Variants in NUP98 observed in about 807,000 individuals in gnomAD.
NUP98 encodes nuclear pore complex protein Nup98-Nup96.
Under a neutral mutation model 191.9 loss-of-function variants are expected in NUP98, and 26 were observed. That is an observed-to-expected ratio of 0.14 (90% CI 0.10 to 0.19). NUP98 has a LOEUF of 0.19. NUP98 is among the 10% of genes least tolerant of loss of function. The pLI is 1.00. For synonymous variants in NUP98, 808 were observed against 778.4 expected, an observed-to-expected ratio of 1.04 and a Z score of -0.63; for missense variants, 1,941 against 2,178.8, an observed-to-expected ratio of 0.89 and a Z score of 2.17.
At chr11:3,699,988 G>A (rs889323130) in intron 24 of NUP98, among the ~76,000 whole-genome samples, 3 of 152,212 alleles carry the variant, frequency 2.0e-5, no homozygotes, top group Admixed American at 2.0e-4. Context: ...AAGCCAGGAA[G>A]AGGAATTACA....
chr11:3,695,600 T>C lies in NUP98; in HGVS notation c.4016A>G (p.His1339Arg). 6.3e-7 allele frequency: 1 copy of C among 1,584,134 alleles called. No individual in the cohort carries two copies. Among genetic ancestry groups the C allele is most frequent in the Non-Finnish European group, 8.6e-7 (1 of 1,167,064 alleles). The change falls in exon 26 of 33, where the codon CAT (histidine) becomes CGT (arginine). Residue 1339 changes from histidine (H) to arginine (R), a missense_variant. This residue lies in a region of NUP98 where 1,030 missense variants were observed against 1,115.8 expected (regional missense o/e 0.92). Coordinates refer to ENST00000324932, the MANE Select transcript of NUP98 (RefSeq NM_016320.5). ...CTGAGATAAAAGAAGAGCAAGACGA[T>C]GATCCCCTATAAGAGAAATGGAAGT... ...ACSLAQQSGDHRLALLLSQFV... is the reference protein window; with the variant it reads ...ACSLAQQSGDRRLALLLSQFV...
At chr11:3,722,009 A>T (rs2079420242) in intron 16 of NUP98, among the ~76,000 whole-genome samples, 1 of 152,160 alleles carries the variant, frequency 6.6e-6, no homozygotes, top group Non-Finnish European at 1.5e-5. Context: ...TAAATGAAAA[A>T]ACTAGAATAT....
intron 29 of NUP98, among the ~76,000 whole-genome samples, chr11:3,684,057 A>T (rs2078062486): frequency 6.6e-6 from 1 of 151,088 alleles, no homozygotes; most frequent in Non-Finnish European, 1.5e-5. Context: ...AAAATAATTA[A>T]AAAAATTAGC....
intron 4 of NUP98, among the ~76,000 whole-genome samples, chr11:3,777,906 T>A (rs967772074): frequency 6.6e-6 from 1 of 151,780 alleles, no homozygotes; most frequent in Non-Finnish European, 1.5e-5. Context: ...CTCTGGAAAA[T>A]ACTGATGGCA....
At chr11:3,735,078 A>G in intron 13 of NUP98, 113 bp downstream of exon 13, 1 of 954,500 alleles carries the variant, frequency 1.0e-6, no homozygotes, top group East Asian at 2.9e-5. Flanking sequence ...TAAAAAATTA[A>G]TTACACCTAG....
At chr11:3,711,203 C>T (rs985189262) in intron 20 of NUP98, among the ~76,000 whole-genome samples, 2 of 152,136 alleles carry the variant, frequency 1.3e-5, no homozygotes, top group Admixed American at 1.3e-4. Context: ...CGAGACTGCA[C>T]CAGTGCACTA....
intron 11 of NUP98, among the ~76,000 whole-genome samples, chr11:3,749,812 G>A (rs1258756059): frequency 1.3e-5 from 2 of 151,550 alleles, no homozygotes; most frequent in Non-Finnish European, 2.9e-5. Flanking sequence ...AATTTCTACT[G>A]TCATGTATGA....
chr11:3,740,392 TC>T (rs2080237750), intron 12 of NUP98, among the ~76,000 whole-genome samples: 1 of 151,638 alleles, frequency 6.6e-6, no homozygotes, highest in Non-Finnish European at 1.5e-5. Flanking sequence ...GGGCCTGCAA[TC>T]CCAGCTACTC....
Position 3,760,651 on chromosome 11 carries a change from A to T in NUP98, c.1087-25T>A. 5 of 1,593,196 alleles carry T rather than the reference A, an allele frequency of 3.1e-6. No homozygotes were observed. The South Asian group carries it at 4.5e-5, about 14-fold the overall frequency. On this transcript the variant is annotated intron_variant, in intron 9 of 32. Coordinates refer to ENST00000324932, the MANE Select transcript of NUP98 (RefSeq NM_016320.5). ...TCTAAAAAGAATAGAATACAGGAAA[A>T]TTTAAAATAATATTAAGACACACAC... is the stretch of plus-strand genomic sequence containing the variant.
chr11:3,695,568 C>A lies in NUP98; in HGVS notation c.4048G>T (p.Gly1350Cys). The A allele has an allele frequency of 6.2e-7, 1 of 1,600,442 alleles. No individual in the cohort carries two copies. The highest frequency in any genetic ancestry group is 8.5e-7 in the Non-Finnish European group (1 of 1,174,256). ...AGCAGCTCCCGGACTGACTGGCTAC[C>A]CACAAACTGAGATAAAAGAAGAGCA... ...RLALLLSQFV[G>C]SQSVRELLTM... Residue 1350 changes from glycine to cysteine, a missense_variant, in exon 26 of 33, where the codon GGT becomes TGT. Physicochemically the swap from Gly to Cys is radical, Grantham distance 159. Transcript: ENST00000324932.
rs115494230 is a variant in NUP98 at position 3,681,180 on chromosome 11, A to T, written c.4919-1472T>A. Reference sequence around the variant, plus strand: ...CTCAGCCTCCCAAATAGCTGGGAATATAGGCACGCACCACCATGCTCAGCT... The same window carrying T: ...CTCAGCCTCCCAAATAGCTGGGAATTTAGGCACGCACCACCATGCTCAGCT... On this transcript the variant is annotated intron_variant, in intron 30 of 32. Transcript: ENST00000324932. Among the ~76,000 whole-genome samples the T allele has an allele frequency of 1.6e-3, 243 of 152,270 alleles. 1 individual carries two copies. The highest frequency in any genetic ancestry group is 5.6e-3 in the African/African-American group (231 of 41,556).
Position 3,713,950 on chromosome 11 carries a change from T to A in NUP98, c.2445A>T (p.Thr815=), listed in dbSNP as rs745750499. The A allele has an allele frequency of 1.2e-6, 2 of 1,614,166 alleles. No homozygotes were observed. The highest frequency in any genetic ancestry group is 3.3e-5 in the Admixed American group (2 of 60,014). Residue 815 remains threonine, a synonymous_variant, in exon 19 of 33, where the codon ACA becomes ACT. Coordinates refer to ENST00000324932, the MANE Select transcript of NUP98 (RefSeq NM_016320.5). The part of the protein sequence containing the change: ...TLDGVWPTDK[T]SRCLIKSPDR... ...CTGGGCTCTTTATTAAACAACGAGA[T>A]GTTTTATCTGTTGGCCAAACTCCAT...
At chr11:3,725,559 T>C (rs2079583823) in intron 14 of NUP98, among the ~76,000 whole-genome samples, 1 of 152,226 alleles carries the variant, frequency 6.6e-6, no homozygotes, top group Non-Finnish European at 1.5e-5. Flanking sequence ...CAATCATCTG[T>C]ATACTCTCCA....
chr11:3,778,750 C>T, intron 4 of NUP98, 123 bp downstream of exon 4: 3 of 942,798 alleles, frequency 3.2e-6, no homozygotes. Flanking sequence ...TTTTCCTCTT[C>T]CCTTGTTTTT....
chr11:3,768,518 A>C, intron 8 of NUP98, 63 bp downstream of exon 8: 2 of 1,386,992 alleles, frequency 1.4e-6, no homozygotes, highest in Non-Finnish European at 1.9e-6. Context: ...TGACATGATT[A>C]GAATCCTCAT....
chr11:3,723,353 A>G lies in NUP98; in HGVS notation c.1950T>C (p.Ile650=), dbSNP rs1294578358. ...TTCCAGCACTTTCTGGGGTTTGAGG[A>G]ATAGGTTTGGCAATAGGGTTAGTAT... ...HFYTNPIAKP[I]PQTPESAGNK... The change falls in exon 16 of 33, where the codon ATT becomes ATC. Residue 650 remains isoleucine, a synonymous_variant. Coordinates refer to ENST00000324932, the MANE Select transcript of NUP98 (RefSeq NM_016320.5). The G allele has an allele frequency of 4.3e-6, 7 of 1,613,972 alleles. No homozygotes were observed. The highest frequency in any genetic ancestry group is 5.1e-6 in the Non-Finnish European group (6 of 1,180,012).
intron 2 of NUP98, among the ~76,000 whole-genome samples, chr11:3,781,791 G>A (rs1052543076): frequency 6.6e-6 from 1 of 151,986 alleles, no homozygotes; most frequent in Non-Finnish European, 1.5e-5. Flanking sequence ...ATAACTTTCT[G>A]TCAACCAAAA....
chr11:3,690,213 A>C (rs2078266741), intron 28 of NUP98, among the ~76,000 whole-genome samples: 1 of 151,124 alleles, frequency 6.6e-6, no homozygotes, highest in Non-Finnish European at 1.5e-5. Flanking sequence ...TCAGCCTCCC[A>C]AAGTGCTGGG....
At chr11:3,771,645 T>C (rs891832520) in intron 7 of NUP98, 103 bp downstream of exon 7, 2 of 951,696 alleles carry the variant, frequency 2.1e-6, no homozygotes, top group Non-Finnish European at 3.2e-6. Context: ...TATCCCTGAA[T>C]TATTATTTTT....
Sources: gnomAD v4.1 joint callset for allele counts (sites outside exome capture counted in the v4.1 genomes callset) on GRCh38, gnomAD v4.1.1 for gene constraint, gnomAD v4.1.1 regional missense constraint, MANE v1.5 for transcripts, NCBI Gene and HGNC (gene_info 2026-07-23, HGNC 2026-07-21) for gene names.